Variants in ZNF609 observed in about 807,000 individuals in gnomAD.
The protein encoded by ZNF609 is zinc finger protein 609.
Under a neutral mutation model 109.5 loss-of-function variants are expected in ZNF609, and 11 were observed. The observed-to-expected ratio is 0.10, with a 90% CI of 0.06 to 0.17. ZNF609 has a LOEUF of 0.17. Among genes scored for constraint, ZNF609 ranks in the 10% least tolerant of loss-of-function variants. ZNF609 has a pLI of 1.00. For missense variants in ZNF609, 1,559 were observed against 1,772.4 expected (o/e 0.88, Z 2.16); for synonymous variants, 646 against 662.0 (o/e 0.98, Z 0.37).
intron 2 of ZNF609, among the ~76,000 whole-genome samples, chr15:64,526,621 T>A (rs1234207679): frequency 1.3e-5 from 2 of 152,176 alleles, no homozygotes; most frequent in Non-Finnish European, 2.9e-5. Flanking sequence ...ATGGGATTTT[T>A]TTTTTTCTTA....
chr15:64,607,812 TTTTCTTCTTTCTTTCTTTC>T (rs1895628425), intron 2 of ZNF609, among the ~76,000 whole-genome samples: 1 of 143,426 alleles, frequency 7.0e-6, no homozygotes, highest in African/African-American at 2.6e-5. Flanking sequence ...GCCTTAAATG[TTTTCTTCTTTCTTTCTTTC>T]TTTCTTTCTT....
At chr15:64,564,222 A>G (rs1005544547) in intron 2 of ZNF609, among the ~76,000 whole-genome samples, 3 of 152,006 alleles carry the variant, frequency 2.0e-5, no homozygotes, top group Admixed American at 2.0e-4. Flanking sequence ...TCAAAAAAAC[A>G]GTTTATGTAA....
chr15:64,543,033 C>G, intron 2 of ZNF609, among the ~76,000 whole-genome samples: 1 of 152,090 alleles, frequency 6.6e-6, no homozygotes, highest in African/African-American at 2.4e-5. Context: ...AGGACAATTA[C>G]CTAATCCATC....
At chr15:64,680,537 A>C in intron 7 of ZNF609, 109 bp from the exon 8 acceptor site, 1 of 1,285,596 alleles carries the variant, frequency 7.8e-7, no homozygotes, top group South Asian at 1.4e-5. Flanking sequence ...TAGGGGTCAT[A>C]AGGTGGCACC....
chr15:64,563,293 T>C (rs1054170102), intron 2 of ZNF609, among the ~76,000 whole-genome samples: 15 of 150,148 alleles, frequency 1.0e-4, no homozygotes, highest in African/African-American at 4.9e-5. Context: ...CTACAAAATA[T>C]ACAGAAATTA....
At chr15:64,543,604 C>T (rs1184443770) in intron 2 of ZNF609, among the ~76,000 whole-genome samples, 5 of 151,856 alleles carry the variant, frequency 3.3e-5, no homozygotes, top group South Asian at 2.1e-4. Context: ...CCACCATGCC[C>T]GGCTAATTTT....
intron 3 of ZNF609, among the ~76,000 whole-genome samples, chr15:64,661,922 C>T (rs1386912424): frequency 6.6e-6 from 1 of 152,166 alleles, no homozygotes; most frequent in East Asian, 1.9e-4. Flanking sequence ...AACAAATTAA[C>T]CTAAAACATA....
chr15:64,581,205 T>C (rs915794559), intron 2 of ZNF609, among the ~76,000 whole-genome samples: 33 of 152,126 alleles, frequency 2.2e-4, no homozygotes, highest in Middle Eastern at 3.4e-3. Flanking sequence ...CACTTTCTGC[T>C]TGTGCAGAGC....
At chr15:64,485,043 G>A (rs757213942) in intron 1 of ZNF609, among the ~76,000 whole-genome samples, 15 of 152,132 alleles carry the variant, frequency 9.9e-5, no homozygotes, top group Non-Finnish European at 2.2e-4. Context: ...GTACTGCCAC[G>A]GAAATGCTGG....
chr15:64,680,585 G>C, intron 7 of ZNF609, 61 bp from the exon 8 acceptor site: 1 of 1,380,528 alleles, frequency 7.2e-7, no homozygotes, highest in Non-Finnish European at 1.0e-6. Context: ...GTGTGTGTGT[G>C]TGTGGTTGTA....
intron 2 of ZNF609, among the ~76,000 whole-genome samples, chr15:64,533,078 G>A (rs892477725): frequency 8.6e-5 from 13 of 151,326 alleles, no homozygotes; most frequent in Non-Finnish European, 1.8e-4. Flanking sequence ...TTGAGACAGA[G>A]TCTGCTCTGT....
chr15:64,534,048 G>C (rs1033578070), intron 2 of ZNF609, among the ~76,000 whole-genome samples: 1 of 128,712 alleles, frequency 7.8e-6, no homozygotes, highest in African/African-American at 2.9e-5. Context: ...TTTCACTCTT[G>C]TTGCCCAGGC....
intron 2 of ZNF609, among the ~76,000 whole-genome samples, chr15:64,536,800 C>T (rs958936234): frequency 6.7e-6 from 1 of 149,728 alleles, no homozygotes; most frequent in African/African-American, 2.5e-5. Context: ...GTGCCAGCTA[C>T]TCTGGGGGCT....
intron 2 of ZNF609, among the ~76,000 whole-genome samples, chr15:64,600,494 G>C (rs1475463916): frequency 6.6e-6 from 1 of 150,464 alleles, no homozygotes; most frequent in African/African-American, 2.4e-5. Context: ...AAATTAGCCA[G>C]GTGTGGTGGC....
intron 3 of ZNF609, among the ~76,000 whole-genome samples, chr15:64,636,400 T>G (rs920307367): frequency 1.3e-5 from 2 of 152,338 alleles, no homozygotes; most frequent in East Asian, 3.9e-4. Context: ...TGTTTTCTCC[T>G]TAGGGTATCT....
intron 3 of ZNF609, among the ~76,000 whole-genome samples, chr15:64,625,750 GTA>G: frequency 6.7e-6 from 1 of 149,648 alleles, no homozygotes; most frequent in Non-Finnish European, 1.5e-5. Flanking sequence ...TTAGCCGGGT[GTA>G]GTGGTGGGCG....
intron 3 of ZNF609, among the ~76,000 whole-genome samples, chr15:64,641,606 G>T (rs534632773): frequency 6.6e-6 from 1 of 152,192 alleles, no homozygotes; most frequent in East Asian, 1.9e-4. Context: ...AGACTTGAAG[G>T]TGGACAAATT....
intron 1 of ZNF609, among the ~76,000 whole-genome samples, chr15:64,467,618 G>A (rs779413557): frequency 1.3e-5 from 2 of 152,224 alleles, no homozygotes; most frequent in African/African-American, 4.8e-5. Context: ...AGGCCGAGAC[G>A]GGCGGATCAT....
intron 2 of ZNF609, among the ~76,000 whole-genome samples, chr15:64,603,885 G>T (rs113221734): frequency 0.061 from 9,214 of 150,208 alleles, 287 homozygotes; most frequent in South Asian, 0.087. Flanking sequence ...TGTAATCCCA[G>T]CTACTCGGGA....
Sources: gnomAD v4.1 joint callset for allele counts (sites outside exome capture counted in the v4.1 genomes callset) on GRCh38, gnomAD v4.1.1 for gene constraint, MANE v1.5 for transcripts, NCBI Gene and HGNC (gene_info 2026-07-23, HGNC 2026-07-21) for gene names.